Variants in CACNA2D1 observed in about 807,000 individuals in gnomAD.
CACNA2D1 encodes the protein calcium voltage-gated channel auxiliary subunit alpha2delta 1.
In CACNA2D1, 53 loss-of-function variants were observed where a neutral mutation model predicts 171.5. The observed-to-expected ratio is 0.31, with a 90% CI of 0.25 to 0.39. The LOEUF (loss-of-function observed/expected upper bound fraction) is 0.39. Among genes scored for constraint, CACNA2D1 ranks in the 10% least tolerant of loss-of-function variants. The pLI, the probability that CACNA2D1 is intolerant of heterozygous loss-of-function variation, is 1.00. For missense variants in CACNA2D1, 903 were observed against 1,299.8 expected (o/e 0.69, Z 4.69); for synonymous variants, 442 against 443.1 (o/e 1.00, Z 0.03).
At chr7:82,294,447 T>C (rs922359412) in intron 3 of CACNA2D1, among the ~76,000 whole-genome samples, 2 of 147,728 alleles carry the variant, frequency 1.4e-5, no homozygotes, top group Non-Finnish European at 2.9e-5. Context: ...TCATCATTTA[T>C]TTTTACTATA....
intron 30 of CACNA2D1, 95 bp from the exon 31 acceptor site, chr7:81,967,302 A>G (rs924696217): frequency 9.6e-7 from 1 of 1,044,608 alleles, no homozygotes; most frequent in African/African-American, 1.6e-5. Flanking sequence ...GAAATAATTT[A>G]TCCAGTAGAA....
chr7:82,137,994 A>G (rs1462130608), intron 4 of CACNA2D1, among the ~76,000 whole-genome samples: 6 of 152,212 alleles, frequency 3.9e-5, no homozygotes, highest in Admixed American at 2.6e-4. Context: ...TACTTCTTCA[A>G]GATATTAATG....
chr7:82,043,602 C>G (rs1420215828), intron 10 of CACNA2D1, among the ~76,000 whole-genome samples: 1 of 152,170 alleles, frequency 6.6e-6, no homozygotes, highest in Non-Finnish European at 1.5e-5. Flanking sequence ...TTGAAAGATG[C>G]TTTCCAGTCA....
chr7:82,067,940 G>A lies in CACNA2D1; in HGVS notation c.659-1416C>T, dbSNP rs148606425. Among the ~76,000 whole-genome samples, 444 of 152,180 alleles carry A rather than the reference G, an allele frequency of 2.9e-3. 3 individuals are homozygous for A. The highest frequency in any genetic ancestry group is 9.8e-3 in the African/African-American group (408 of 41,524). Reference sequence around the variant, plus strand: ...AACTCCAAATGCATCCTTCTACCTTGCCCTATGAAAATGGATCTGGGCCCT... The same window carrying A: ...AACTCCAAATGCATCCTTCTACCTTACCCTATGAAAATGGATCTGGGCCCT... On this transcript the variant is annotated intron_variant, in intron 7 of 38. Coordinates refer to ENST00000356860, the MANE Select transcript of CACNA2D1 (RefSeq NM_000722.4).
intron 2 of CACNA2D1, among the ~76,000 whole-genome samples, chr7:82,341,109 C>T (rs1818576822): frequency 6.6e-6 from 1 of 151,846 alleles, no homozygotes; most frequent in South Asian, 2.1e-4. Flanking sequence ...CTTGGGCTTT[C>T]GAACTACTTG....
At chr7:82,337,077 C>A (rs879854252) in intron 2 of CACNA2D1, among the ~76,000 whole-genome samples, 2 of 152,096 alleles carry the variant, frequency 1.3e-5, no homozygotes, top group Non-Finnish European at 2.9e-5. Context: ...CTATTTCAAG[C>A]ATATAAGTAT....
intron 38 of CACNA2D1, among the ~76,000 whole-genome samples, chr7:81,955,956 G>A (rs1232238248): frequency 1.0e-5 from 1 of 95,272 alleles, no homozygotes; most frequent in Non-Finnish European, 2.1e-5. Flanking sequence ...TAAAGTCACT[G>A]TTGCTATATA....
chr7:82,070,575 C>CA (rs1206839574), intron 7 of CACNA2D1, among the ~76,000 whole-genome samples: 1 of 152,134 alleles, frequency 6.6e-6, no homozygotes, highest in Non-Finnish European at 1.5e-5. Flanking sequence ...ATTGGGCTTG[C>CA]AGCTGCTAGA....
At chr7:82,087,001 G>C (rs1810557911) in intron 6 of CACNA2D1, among the ~76,000 whole-genome samples, 1 of 151,934 alleles carries the variant, frequency 6.6e-6, no homozygotes, top group Non-Finnish European at 1.5e-5. Context: ...CCATTACTAA[G>C]GTAGATTTCA....
intron 7 of CACNA2D1, among the ~76,000 whole-genome samples, chr7:82,083,956 C>A (rs1584684487): frequency 6.6e-6 from 1 of 152,238 alleles, no homozygotes; most frequent in Non-Finnish European, 1.5e-5. Context: ...CATACTGTAG[C>A]AATTTAAAGC....
intron 5 of CACNA2D1, among the ~76,000 whole-genome samples, chr7:82,135,081 G>T (rs1429212299): frequency 1.3e-5 from 2 of 151,990 alleles, no homozygotes; most frequent in Non-Finnish European, 2.9e-5. Flanking sequence ...TCTTTAATTA[G>T]TTTAGAGAAG....
At chr7:82,067,735 T>C (rs1333326203) in intron 7 of CACNA2D1, among the ~76,000 whole-genome samples, 1 of 152,174 alleles carries the variant, frequency 6.6e-6, no homozygotes, top group Admixed American at 6.5e-5. Flanking sequence ...TTTGTGTGTA[T>C]GTGTGTGGTA....
rs3801775 is a variant in CACNA2D1, at chr7:81,983,052, A to G, written c.1894+262T>C. Among the ~76,000 whole-genome samples, 519 of 152,306 alleles carry G rather than the reference A, an allele frequency of 3.4e-3. 21 individuals are homozygous for G. In the East Asian group the frequency reaches 0.084, roughly 25 times the overall value. On this transcript the variant is annotated intron_variant, in intron 23 of 38. Coordinates refer to ENST00000356860, the MANE Select transcript of CACNA2D1 (RefSeq NM_000722.4). ...CTTTAGTGAGTTAATAACATTCCTC[A>G]TATTAGGTATGAATTAGTAAGTGGA...
rs116865028 is a variant in CACNA2D1 at position 82,251,996 on chromosome 7, T to A, written c.295-81387A>T. Among the ~76,000 whole-genome samples the A allele has an allele frequency of 6.2e-4, 95 of 152,364 alleles. No individual in the cohort carries two copies. In the East Asian group the frequency reaches 0.018, roughly 28 times the overall value. On this transcript the variant is annotated intron_variant, in intron 3 of 38. Coordinates refer to ENST00000356860, the MANE Select transcript of CACNA2D1 (RefSeq NM_000722.4). ...ATATATGTACTTTGGAATACCCCAA[T>A]CTGTGTCTTTCAAAATACAAGAGAT... is the stretch of plus-strand genomic sequence containing the variant.
At chr7:82,352,577 C>T (rs559201173) in intron 1 of CACNA2D1, among the ~76,000 whole-genome samples, 1 of 152,182 alleles carries the variant, frequency 6.6e-6, no homozygotes, top group African/African-American at 2.4e-5. Flanking sequence ...GGAAAAGACA[C>T]TAAAAGATGG....
intron 3 of CACNA2D1, among the ~76,000 whole-genome samples, chr7:82,278,044 G>A (rs920307236): frequency 1.2e-4 from 18 of 152,038 alleles, no homozygotes; most frequent in Non-Finnish European, 1.5e-5. Context: ...ACCACACCCA[G>A]CCTATAACTG....
intron 1 of CACNA2D1, among the ~76,000 whole-genome samples, chr7:82,354,997 T>C (rs1820262573): frequency 6.6e-6 from 1 of 152,162 alleles, no homozygotes; most frequent in Non-Finnish European, 1.5e-5. Context: ...AAGAATTTTA[T>C]CATAATATTT....
intron 1 of CACNA2D1, among the ~76,000 whole-genome samples, chr7:82,361,961 T>C (rs1821129112): frequency 6.6e-6 from 1 of 152,190 alleles, no homozygotes; most frequent in Non-Finnish European, 1.5e-5. Context: ...TCATTTGTGT[T>C]GATGTTTATA....
Position 82,005,358 on chromosome 7 carries a change from C to T in CACNA2D1, c.1590+65G>A. 6.1e-6 allele frequency: 6 copies of T among 982,564 alleles called. No individual in the cohort carries two copies. In the South Asian group the frequency reaches 8.3e-5, roughly 14 times the overall value. The allele number at this position is 982,564 out of a possible 1,614,324, so 60.9% of individuals were successfully genotyped here. A position where few individuals can be genotyped will look rare whatever the true frequency, so the allele number is the denominator to read the frequency against. Reference sequence around the variant, plus strand: ...TACGGTAAATTTTAAAACAACAATCCTATTAAGAACATTAATCATTAATTC... The same window carrying T: ...TACGGTAAATTTTAAAACAACAATCTTATTAAGAACATTAATCATTAATTC... On this transcript the variant is annotated intron_variant, in intron 18 of 38. Coordinates refer to ENST00000356860, the MANE Select transcript of CACNA2D1 (RefSeq NM_000722.4).
Sources: gnomAD v4.1 joint callset for allele counts (sites outside exome capture counted in the v4.1 genomes callset) on GRCh38, gnomAD v4.1.1 for gene constraint, MANE v1.5 for transcripts, NCBI Gene and HGNC (gene_info 2026-07-23, HGNC 2026-07-21) for gene names.